Variants in KLHL4 observed in about 807,000 individuals in gnomAD.
KLHL4 encodes kelch like family member 4.
In KLHL4, 17 loss-of-function variants were observed where a neutral mutation model predicts 45.8. That is an observed-to-expected ratio of 0.37 (90% confidence interval 0.25 to 0.56). KLHL4 has a LOEUF of 0.56. KLHL4 is among the 20% of genes least tolerant of loss of function. KLHL4 has a pLI of 0.79. For missense variants in KLHL4, 544 were observed against 544.9 expected, an observed-to-expected ratio of 1.00 and a Z score of 0.02; for synonymous variants, 224 against 189.9, an observed-to-expected ratio of 1.18 and a Z score of -1.47.
At chrX:87,601,858 C>T (rs1922027849) in intron 1 of KLHL4, among the ~76,000 whole-genome samples, 1 of 111,099 alleles carries the variant, frequency 9.0e-6, no homozygotes, top group African/African-American at 3.3e-5. Context: ...CTTATAGAGC[C>T]GTGTGCTGCC....
chrX:87,664,771 C>A lies in KLHL4; in HGVS notation c.1933C>A (p.Pro645Thr). The stretch of plus-strand genomic sequence containing the variant: ...CTTTCTAAATCCTTTAAGGTATGAT[C>A]CAAAAGGTGATTCATGGTCAACTGT... Reference protein sequence around the residue: ...RLSDCVERYDPKGDSWSTVAP... With the variant: ...RLSDCVERYDTKGDSWSTVAP... Residue 645 changes from proline (P) to threonine (T), a missense_variant, in exon 10 of 11, where the codon CCA becomes ACA. Transcript: ENST00000373119. 8.3e-7 allele frequency: 1 copy of A among 1,197,763 alleles called. No individual in the cohort carries two copies. The highest frequency in any genetic ancestry group is 1.8e-5 in the South Asian group (1 of 54,801).
At chrX:87,532,253 G>T (rs1272736595) in intron 1 of KLHL4, among the ~76,000 whole-genome samples, 3 of 110,013 alleles carry the variant, frequency 2.7e-5, no homozygotes, top group African/African-American at 6.6e-5. Context: ...TAGATATGCA[G>T]CATTATTTCT....
At chrX:87,586,123 T>C (rs1921462969) in intron 1 of KLHL4, among the ~76,000 whole-genome samples, 1 of 111,219 alleles carries the variant, frequency 9.0e-6, no homozygotes, top group Non-Finnish European at 1.9e-5. Context: ...CACAGATACA[T>C]AAAACAAATA....
chrX:87,662,048 G>C (rs1433435482), intron 9 of KLHL4, among the ~76,000 whole-genome samples: 3 of 111,350 alleles, frequency 2.7e-5, no homozygotes, highest in African/African-American at 9.8e-5. Flanking sequence ...GAGTATGGTT[G>C]TTTTATTTTA....
intron 1 of KLHL4, among the ~76,000 whole-genome samples, chrX:87,532,890 A>G (rs6614674): frequency 0.24 from 25,990 of 109,395 alleles, 2,803 homozygotes; most frequent in East Asian, 0.53. Context: ...AAAAGTGGGC[A>G]AAGGACATGA....
In KLHL4 at chrX:87,666,590, G is replaced by C; in HGVS notation, c.*56G>C. On this transcript the variant is annotated 3_prime_UTR_variant, in exon 11 of 11. Transcript: ENST00000373119. ...CTAGATAATTTCAAGAAACTGAGTAGGACAAAGGGAGAAAGAAATACATGT... is the reference window on the plus strand; with the variant it reads ...CTAGATAATTTCAAGAAACTGAGTACGACAAAGGGAGAAAGAAATACATGT... 1 of 1,074,011 alleles carries C rather than the reference G, an allele frequency of 9.3e-7. No homozygotes were observed. The highest frequency in any genetic ancestry group is 1.2e-6 in the Non-Finnish European group (1 of 820,514). The allele number at this position is 1,074,011 out of a possible 1,213,427, so 88.5% of individuals were successfully genotyped here.
chrX:87,566,889 A>C (rs1441595029), intron 1 of KLHL4, among the ~76,000 whole-genome samples: 1 of 111,232 alleles, frequency 9.0e-6, no homozygotes, highest in Non-Finnish European at 1.9e-5. Context: ...CATAGAGGAG[A>C]ACAACACACG....
intron 9 of KLHL4, among the ~76,000 whole-genome samples, chrX:87,656,533 CT>C (rs1326147569): frequency 2.8e-5 from 3 of 105,864 alleles, no homozygotes; most frequent in South Asian, 4.2e-4. Context: ...TCAGGAGTTT[CT>C]TTTTTTTTCT....
chrX:87,646,285 G>A (rs1437228897), intron 9 of KLHL4, among the ~76,000 whole-genome samples: 1 of 111,365 alleles, frequency 9.0e-6, no homozygotes, highest in Non-Finnish European at 1.9e-5. Flanking sequence ...GCTCATGATG[G>A]GTAGAATCAG....
intron 6 of KLHL4, among the ~76,000 whole-genome samples, chrX:87,628,317 C>G (rs1436596699): frequency 1.0e-5 from 1 of 96,118 alleles, no homozygotes; most frequent in Non-Finnish European, 2.2e-5. Context: ...CTATTACAGA[C>G]AAAAGAACAG....
intron 1 of KLHL4, among the ~76,000 whole-genome samples, chrX:87,569,356 A>C (rs984434709): frequency 1.8e-5 from 2 of 111,613 alleles, no homozygotes; most frequent in Non-Finnish European, 3.8e-5. Flanking sequence ...GGGAACCCTC[A>C]AGTATTGTTG....
At chrX:87,628,327 G>A (rs222078) in intron 6 of KLHL4, among the ~76,000 whole-genome samples, 41,113 of 109,175 alleles carry the variant, frequency 0.38, 6,029 homozygotes, top group Middle Eastern at 0.46. Context: ...CAAAAGAACA[G>A]CAACAAAACT....
rs200892802 is a variant in KLHL4 at position 87,626,648 on chromosome X, C to CT, written c.1324+855dup. On this transcript the variant is annotated intron_variant, in intron 6 of 10. Transcript: ENST00000373119. ...GGCAAATTGTGAGGGATGTATGTAGCTTTAAAAAAAAAAAAAACTCAGTAT... is the reference window on the plus strand; with the variant it reads ...GGCAAATTGTGAGGGATGTATGTAGCTTTTAAAAAAAAAAAAAACTCAGTAT... Among the ~76,000 whole-genome samples the CT allele has an allele frequency of 4.9e-3, 378 of 76,850 alleles. 1 individual carries two copies. The highest frequency in any genetic ancestry group is 0.015 in the African/African-American group (319 of 22,000). 66.7% of individuals were successfully genotyped at this position (76,850 alleles called of 115,157 possible).
intron 1 of KLHL4, among the ~76,000 whole-genome samples, chrX:87,549,685 G>A (rs1931769573): frequency 9.0e-6 from 1 of 110,619 alleles, no homozygotes; most frequent in Non-Finnish European, 1.9e-5. Context: ...GAGTTAATGA[G>A]GAAATTTATA....
chrX:87,635,729 G>T lies in KLHL4; in HGVS notation c.1879G>T (p.Ala627Ser). 8.3e-7 allele frequency: 1 copy of T among 1,204,421 alleles called. No individual in the cohort carries two copies. The highest frequency in any genetic ancestry group is 1.1e-6 in the Non-Finnish European group (1 of 890,455). ...CTTATATGTTGTAGGGGGGCATGAT[G>T]CCCCTGCTTCCAACCATTGCTCCAG... ...GFLYVVGGHD[A>S]PASNHCSRLS... Residue 627 changes from alanine (A) to serine (S), a missense_variant, in exon 9 of 11, where the codon GCC (alanine) becomes TCC (serine). Transcript: ENST00000373119.
chrX:87,618,159 G>C, intron 4 of KLHL4, 31 bp downstream of exon 4: 1 of 1,032,123 alleles, frequency 9.7e-7, no homozygotes, highest in Non-Finnish European at 1.3e-6. Flanking sequence ...TGAACTTGTA[G>C]TAAAAATATG....
At chrX:87,554,739 A>T (rs1931927822) in intron 1 of KLHL4, among the ~76,000 whole-genome samples, 2 of 104,941 alleles carry the variant, frequency 1.9e-5, no homozygotes, top group Admixed American at 2.2e-4. Flanking sequence ...CCCTGGCCAG[A>T]ACTTCCAACA....
Position 87,667,638 on chromosome X carries a change from A to C in KLHL4, c.*1104A>C, listed in dbSNP as rs976673658. 5.1e-5 allele frequency: 29 copies of C among 572,900 alleles called. No individual in the cohort carries two copies. In the African/African-American group the frequency reaches 6.3e-4, roughly 13 times the overall value. 47.2% of individuals were successfully genotyped at this position (572,900 alleles called of 1,213,427 possible). On this transcript the variant is annotated 3_prime_UTR_variant, in exon 11 of 11. Transcript: ENST00000373119. ...AAGTTTTAAAATAACAAAAATGGCT[A>C]GTTGAATAGTATTTTATGTGTAATT... is the stretch of plus-strand genomic sequence containing the variant.
At chrX:87,531,279 C>A (rs1214122481) in intron 1 of KLHL4, among the ~76,000 whole-genome samples, 3 of 110,748 alleles carry the variant, frequency 2.7e-5, no homozygotes, top group Admixed American at 9.7e-5. Context: ...AATTAGATCC[C>A]ATTTGTCAAT....
Sources: gnomAD v4.1 joint callset for allele counts (sites outside exome capture counted in the v4.1 genomes callset) on GRCh38, gnomAD v4.1.1 for gene constraint, MANE v1.5 for transcripts, NCBI Gene and HGNC (gene_info 2026-07-23, HGNC 2026-07-21) for gene names.